SSBP3: variants seen among roughly 807,000 people sequenced by gnomAD.
SSBP3 encodes the protein single stranded DNA binding protein 3, also known as single-stranded DNA-binding protein 3.
SSBP3 carries 5 observed loss-of-function variants against 69.6 expected under a neutral mutation model. The observed-to-expected ratio is 0.07, with a 90% CI of 0.04 to 0.15. SSBP3 has a LOEUF of 0.15. Ranked by LOEUF, SSBP3 falls within the 10% of genes least tolerant of loss-of-function variation. The probability of loss-of-function intolerance (pLI) is 1.00; values close to 1 mark genes in which losing one functional copy is unlikely to be tolerated. For synonymous variants in SSBP3, 196 were observed against 193.4 expected (o/e 1.01, Z -0.11); for missense variants, 312 against 534.0 (o/e 0.58, Z 4.10).
chr1:54,267,742 G>A lies in SSBP3; in HGVS notation c.367-9593C>T, dbSNP rs1003602552. Among the ~76,000 whole-genome samples, 11 of 152,150 alleles carry A rather than the reference G, an allele frequency of 7.2e-5. 1 individual carries two copies. Among genetic ancestry groups the A allele is most frequent in the South Asian group, 2.1e-4 (1 of 4,828 alleles). ...AGGAAATGGCAATACGATCTGTATC[G>A]TGGGAATCACATATCTATTCTGTTC... On this transcript the variant is annotated intron_variant, in intron 5 of 17. Transcript: ENST00000610401.
At chr1:54,277,387 C>G (rs1334662423) in intron 5 of SSBP3, among the ~76,000 whole-genome samples, 2 of 152,190 alleles carry the variant, frequency 1.3e-5, no homozygotes, top group Non-Finnish European at 2.9e-5. Context: ...GTCTCTCCCT[C>G]CTTTTATCTA....
intron 3 of SSBP3, 48 bp downstream of exon 3, chr1:54,404,528 G>A (rs1429455852): frequency 6.2e-7 from 1 of 1,604,196 alleles, no homozygotes; most frequent in Non-Finnish European, 8.5e-7. Context: ...TTGGACCCAG[G>A]GCTCACAACA....
At chr1:54,293,113 G>C (rs989608391) in intron 4 of SSBP3, among the ~76,000 whole-genome samples, 1 of 152,136 alleles carries the variant, frequency 6.6e-6, no homozygotes, top group Admixed American at 6.5e-5. Context: ...TCTGGTGGGA[G>C]CCACAAAGCT....
chr1:54,244,715 G>T (rs545665553), intron 9 of SSBP3, among the ~76,000 whole-genome samples: 1 of 152,164 alleles, frequency 6.6e-6, no homozygotes, highest in Non-Finnish European at 1.5e-5. Flanking sequence ...CTCTCTCCAA[G>T]TGTCATTTTC....
chr1:54,240,093 C>CGTGTGTGTGTGTGTGT (rs1296410551), intron 13 of SSBP3, among the ~76,000 whole-genome samples: 4 of 21,248 alleles, frequency 1.9e-4, no homozygotes, highest in Non-Finnish European at 3.2e-4. Flanking sequence ...TGTGTGCGCG[C>CGTGTGTGTGTGTGTGT]GCGCGCGTGT....
chr1:54,267,261 T>C (rs902888067), intron 5 of SSBP3, among the ~76,000 whole-genome samples: 3 of 152,194 alleles, frequency 2.0e-5, no homozygotes, highest in African/African-American at 7.2e-5. Context: ...CATGTATCCA[T>C]ACAACAGGGC....
chr1:54,245,864 T>C (rs903001563), intron 9 of SSBP3, among the ~76,000 whole-genome samples: 1 of 152,228 alleles, frequency 6.6e-6, no homozygotes, highest in Non-Finnish European at 1.5e-5. Context: ...CAAATGACAA[T>C]AGTGCTTATT....
chr1:54,367,820 C>A (rs1179233738), intron 4 of SSBP3, among the ~76,000 whole-genome samples: 1 of 152,166 alleles, frequency 6.6e-6, no homozygotes, highest in African/African-American at 2.4e-5. Flanking sequence ...CATAAGAATA[C>A]CATTGTGTTT....
At chr1:54,250,997 G>A (rs1054067174) in intron 9 of SSBP3, among the ~76,000 whole-genome samples, 2 of 152,214 alleles carry the variant, frequency 1.3e-5, no homozygotes, top group African/African-American at 4.8e-5. Context: ...ACTGCCCTTT[G>A]TGGCAGCGGA....
At chr1:54,330,553 G>A (rs1288357778) in intron 4 of SSBP3, among the ~76,000 whole-genome samples, 1 of 152,144 alleles carries the variant, frequency 6.6e-6, no homozygotes, top group Non-Finnish European at 1.5e-5. Context: ...TTGTTCACAG[G>A]AGTCCCTCCC....
intron 7 of SSBP3, among the ~76,000 whole-genome samples, chr1:54,252,913 G>T (rs1349317174): frequency 1.3e-5 from 2 of 152,188 alleles, no homozygotes; most frequent in East Asian, 3.9e-4. Flanking sequence ...TGTGACAGGG[G>T]TCTGTCCTCA....
At chr1:54,287,714 C>T (rs1645516471) in intron 4 of SSBP3, among the ~76,000 whole-genome samples, 1 of 152,010 alleles carries the variant, frequency 6.6e-6, no homozygotes, top group Non-Finnish European at 1.5e-5. Context: ...AGATATAAAT[C>T]AGGAATGGAA....
intron 5 of SSBP3, among the ~76,000 whole-genome samples, chr1:54,276,403 G>A (rs1570329085): frequency 1.3e-5 from 2 of 152,022 alleles, no homozygotes; most frequent in South Asian, 2.1e-4. Context: ...TTGAGGTCAG[G>A]AATTCGAGAC....
intron 5 of SSBP3, among the ~76,000 whole-genome samples, chr1:54,260,253 G>A (rs1644994798): frequency 6.6e-6 from 1 of 152,232 alleles, no homozygotes; most frequent in Non-Finnish European, 1.5e-5. Context: ...TTGCCAAGAG[G>A]GGGCAAAAGG....
chr1:54,322,080 G>T (rs1253409354), intron 4 of SSBP3, among the ~76,000 whole-genome samples: 1 of 152,192 alleles, frequency 6.6e-6, no homozygotes, highest in African/African-American at 2.4e-5. Flanking sequence ...GGGGCACAGT[G>T]GTGGCCCCGC....
At chr1:54,310,956 G>T (rs1320598439) in intron 4 of SSBP3, among the ~76,000 whole-genome samples, 1 of 152,170 alleles carries the variant, frequency 6.6e-6, no homozygotes, top group Non-Finnish European at 1.5e-5. Context: ...GACATCACCT[G>T]GAAGGACCGC....
intron 13 of SSBP3, among the ~76,000 whole-genome samples, chr1:54,240,674 CCT>C (rs973626471): frequency 6.6e-5 from 10 of 152,196 alleles, no homozygotes; most frequent in African/African-American, 2.2e-4. Flanking sequence ...AACGAGAATC[CCT>C]GTTCCTGGAC....
chr1:54,337,118 T>C (rs1000524237), intron 4 of SSBP3, among the ~76,000 whole-genome samples: 3 of 152,226 alleles, frequency 2.0e-5, no homozygotes, highest in Non-Finnish European at 1.5e-5. Flanking sequence ...CTGTCTTCTC[T>C]TCCTTCCACT....
chr1:54,407,573 G>T (rs1215659937), upstream of SSBP3, among the ~76,000 whole-genome samples: 1 of 152,014 alleles, frequency 6.6e-6, no homozygotes, highest in Non-Finnish European at 1.5e-5. Context: ...CGGCGAAATA[G>T]GGGAAGGCTC....
Sources: allele counts gnomAD v4.1 joint callset (sites outside exome capture counted in the v4.1 genomes callset), GRCh38; gene constraint gnomAD v4.1.1; transcripts MANE v1.5; gene names NCBI Gene and HGNC (gene_info 2026-07-23, HGNC 2026-07-21).